The following ASPRV1 variants were observed in gnomAD, a reference collection of about 807,000 sequenced individuals.
ASPRV1 encodes retroviral-like aspartic protease 1.
In ASPRV1, 7 loss-of-function variants were observed where a neutral mutation model predicts 11.0. The ratio of observed to expected loss-of-function variants is 0.64; its 90% CI spans 0.36 to 1.20. ASPRV1 has a LOEUF of 1.20. ASPRV1 is among the 50% of genes most tolerant of loss of function. The pLI is 0.02. For synonymous variants in ASPRV1, 136 were observed against 138.4 expected, an observed-to-expected ratio of 0.98 and a Z score of 0.12; for missense variants, 299 against 320.0, an observed-to-expected ratio of 0.93 and a Z score of 0.50.
the ASPRV1 span, among the ~76,000 whole-genome samples, chr2:70,027,931 A>C: frequency 1.3e-5 from 2 of 152,208 alleles, no homozygotes; most frequent in Non-Finnish European, 1.5e-5. Context: ...TCAGAATATC[A>C]CATGTACCCC....
At chr2:70,073,631 G>C in the ASPRV1 span, among the ~76,000 whole-genome samples, 6 of 152,264 alleles carry the variant, frequency 3.9e-5, no homozygotes, top group Admixed American at 6.5e-5. Context: ...GGTGGAGATG[G>C]GAGAAAGGCA....
the ASPRV1 span, among the ~76,000 whole-genome samples, chr2:69,971,950 G>A: frequency 6.6e-6 from 1 of 152,166 alleles, no homozygotes. Context: ...GGATTGTCCT[G>A]GGAGATTATT....
At chr2:70,084,352 C>T in the ASPRV1 span, among the ~76,000 whole-genome samples, 1 of 152,086 alleles carries the variant, frequency 6.6e-6, no homozygotes, top group Non-Finnish European at 1.5e-5. Context: ...TTTTAATTCC[C>T]TCATCTATTC....
the ASPRV1 span, among the ~76,000 whole-genome samples, chr2:70,065,410 A>G: frequency 6.6e-6 from 1 of 151,536 alleles, no homozygotes; most frequent in African/African-American, 2.4e-5. Flanking sequence ...AAAAAAAAAA[A>G]AAAGACAATA....
At chr2:69,992,027 T>C in the ASPRV1 span, among the ~76,000 whole-genome samples, 5 of 152,150 alleles carry the variant, frequency 3.3e-5, no homozygotes. Context: ...CTGTGGGGAA[T>C]GTGACCACCT....
At chr2:69,992,061 G>A in the ASPRV1 span, among the ~76,000 whole-genome samples, 2 of 151,994 alleles carry the variant, frequency 1.3e-5, no homozygotes, top group African/African-American at 4.8e-5. Flanking sequence ...CAAGTGGGTC[G>A]TTTTCTAGGA....
At chr2:69,967,422 C>T in the ASPRV1 span, among the ~76,000 whole-genome samples, 1 of 152,150 alleles carries the variant, frequency 6.6e-6, no homozygotes, top group Admixed American at 6.5e-5. Context: ...GCCCTGAAAC[C>T]AGGGAACAAG....
At chr2:69,940,902 GC>G in the ASPRV1 span, 1 of 152,712 alleles carries the variant, frequency 6.5e-6, no homozygotes, top group Non-Finnish European at 1.5e-5. Context: ...CTGATCGGCA[GC>G]CCTGATTCGC....
chr2:69,989,493 CCCCAGGTGTG>C, the ASPRV1 span, among the ~76,000 whole-genome samples: 1 of 152,186 alleles, frequency 6.6e-6, no homozygotes, highest in Non-Finnish European at 1.5e-5. Flanking sequence ...GGGCTGTGGG[CCCCAGGTGTG>C]CCCAGGAGGC....
At chr2:70,031,315 T>A in the ASPRV1 span, 4 of 152,194 alleles carry the variant, frequency 2.6e-5, no homozygotes, top group African/African-American at 9.7e-5. Flanking sequence ...GAGAACTATA[T>A]AAAATTTATG....
At chr2:70,006,793 A>C in the ASPRV1 span, among the ~76,000 whole-genome samples, 1 of 152,124 alleles carries the variant, frequency 6.6e-6, no homozygotes, top group Non-Finnish European at 1.5e-5. Context: ...TAGCGCTATT[A>C]ATGTGTAAAA....
chr2:69,938,481 C>T, the ASPRV1 span: 2 of 571,134 alleles, frequency 3.5e-6, no homozygotes, highest in Non-Finnish European at 3.1e-6. Flanking sequence ...CTCTTTTTCT[C>T]GCCATAAAAA....
chr2:69,941,718 A>C, the ASPRV1 span: 1 of 151,824 alleles, frequency 6.6e-6, no homozygotes, highest in African/African-American at 2.4e-5. Flanking sequence ...GATAAGAAAA[A>C]AGTGTAAACT....
chr2:69,980,430 T>C, the ASPRV1 span, among the ~76,000 whole-genome samples: 9 of 152,244 alleles, frequency 5.9e-5, no homozygotes, highest in African/African-American at 2.2e-4. Flanking sequence ...TTTGTGGGAA[T>C]ATAAATTTAT....
At chr2:69,968,780 C>G in the ASPRV1 span, among the ~76,000 whole-genome samples, 3 of 152,198 alleles carry the variant, frequency 2.0e-5, no homozygotes, top group African/African-American at 7.2e-5. Context: ...GGCACTGGAA[C>G]CCCTGGTCGC....
the ASPRV1 span, chr2:69,939,997 G>T: frequency 6.6e-6 from 1 of 150,504 alleles, no homozygotes; most frequent in Non-Finnish European, 1.5e-5. Context: ...TTTAAAAAAT[G>T]ATTCTTTAAT....
the ASPRV1 span, among the ~76,000 whole-genome samples, chr2:69,955,078 G>C: frequency 2.0e-5 from 3 of 152,206 alleles, no homozygotes; most frequent in African/African-American, 7.2e-5. Flanking sequence ...ACCCAGCCAA[G>C]AGGCTTCCTT....
the ASPRV1 span, chr2:69,941,083 T>C: frequency 6.6e-6 from 1 of 152,224 alleles, no homozygotes; most frequent in Non-Finnish European, 1.5e-5. Flanking sequence ...TTGACAATTG[T>C]ACGTAAATAC....
At chr2:69,964,511 C>T (rs999080227), upstream of ASPRV1, 1 of 295,258 alleles carries the variant, frequency 3.4e-6, no homozygotes, top group Non-Finnish European at 6.8e-6. Context: ...AGCCTGGAAG[C>T]ACACAGAGAC....
Sources: gnomAD v4.1 joint callset for allele counts (sites outside exome capture counted in the v4.1 genomes callset) on GRCh38, gnomAD v4.1.1 for gene constraint, MANE v1.5 for transcripts, NCBI Gene and HGNC (gene_info 2026-07-23, HGNC 2026-07-21) for gene names.